The following PARD3 variants were observed in gnomAD, a reference collection of about 807,000 sequenced individuals.
PARD3 encodes the protein par-3 family cell polarity regulator, also known as partitioning defective 3 homolog.
Under a neutral mutation model 155.4 loss-of-function variants are expected in PARD3, and 75 were observed. That is an observed-to-expected ratio of 0.48 (90% CI 0.40 to 0.58). PARD3 has a LOEUF of 0.58. Among genes scored for constraint, PARD3 ranks in the 20% least tolerant of loss-of-function variants. The pLI, the probability that PARD3 is intolerant of heterozygous loss-of-function variation, is 0.00. For synonymous variants in PARD3, 576 were observed against 610.5 expected (o/e 0.94, Z 0.83); for missense variants, 1,642 against 1,721.7 (o/e 0.95, Z 0.82).
intron 1 of PARD3, among the ~76,000 whole-genome samples, chr10:34,794,106 C>A (rs533867158): frequency 6.6e-6 from 1 of 150,780 alleles, no homozygotes; most frequent in Admixed American, 6.6e-5. Flanking sequence ...CCACAGTCAG[C>A]GGGGGGTGGG....
intron 2 of PARD3, among the ~76,000 whole-genome samples, chr10:34,539,332 A>G (rs1210301957): frequency 1.3e-5 from 2 of 152,186 alleles, no homozygotes; most frequent in African/African-American, 4.8e-5. Flanking sequence ...AAATTAAGAT[A>G]TATAAACTTA....
intron 14 of PARD3, 91 bp downstream of exon 14, chr10:34,359,056 G>T: frequency 1.2e-6 from 1 of 848,148 alleles, no homozygotes; most frequent in Non-Finnish European, 1.9e-6. Context: ...TTGATGTAAG[G>T]TCCTGGAACC....
rs115675873 is a variant in PARD3, at chr10:34,146,780, G to A, written c.3420-15197C>T. Among the ~76,000 whole-genome samples, 819 of 152,246 alleles carry A rather than the reference G, an allele frequency of 5.4e-3. 9 individuals are homozygous for A. Among genetic ancestry groups the A allele is most frequent in the African/African-American group, 0.018 (760 of 41,528 alleles). On this transcript the variant is annotated intron_variant, in intron 22 of 24. Coordinates refer to ENST00000374788, the MANE Select transcript of PARD3 (RefSeq NM_001184785.2). The stretch of plus-strand genomic sequence containing the variant: ...CCCACTGATGCTGGTGACAAAGAAC[G>A]TTTCCCACTTTTCCCACTGCATGCT...
chr10:34,751,833 C>A (rs543426935), intron 1 of PARD3, among the ~76,000 whole-genome samples: 19 of 150,724 alleles, frequency 1.3e-4, no homozygotes, highest in African/African-American at 4.6e-4. Context: ...GTCTCAAACT[C>A]CTGGCCTCAA....
intron 3 of PARD3, among the ~76,000 whole-genome samples, chr10:34,486,082 A>G (rs1395312382): frequency 6.6e-6 from 1 of 151,844 alleles, no homozygotes; most frequent in Non-Finnish European, 1.5e-5. Flanking sequence ...TGCCACGATG[A>G]GTGGCTAATT....
chr10:34,629,901 T>C (rs1253136397), intron 2 of PARD3, among the ~76,000 whole-genome samples: 5 of 152,156 alleles, frequency 3.3e-5, no homozygotes, highest in Non-Finnish European at 1.5e-5. Context: ...GCATAGATAT[T>C]AAGTATATTT....
chr10:34,509,609 AG>A (rs1391769379), intron 3 of PARD3, among the ~76,000 whole-genome samples: 1 of 152,246 alleles, frequency 6.6e-6, no homozygotes, highest in Non-Finnish European at 1.5e-5. Flanking sequence ...AAATGGAAAA[AG>A]TACAATACTG....
chr10:34,786,098 A>T (rs933961953), intron 1 of PARD3, among the ~76,000 whole-genome samples: 2 of 152,254 alleles, frequency 1.3e-5, no homozygotes, highest in African/African-American at 2.4e-5. Context: ...GTCAACAGAC[A>T]GAGGCAGACA....
At position 34,756,477 on chromosome 10, in the gene PARD3, T is replaced by TAA. The variant is rs34468358; in HGVS notation, c.120+58397_120+58398dup. ...CAATGCACCTTTTTTTTTTTTCTTA[T>TAA]AAAAAAAAAAAAAAAAAAAAAGAGT... On this transcript the variant is annotated intron_variant, in intron 1 of 24. Transcript: ENST00000374788. Among the ~76,000 whole-genome samples, 703 of 83,240 alleles carry TAA rather than the reference T, an allele frequency of 8.4e-3. 11 individuals carry two copies. Among genetic ancestry groups the TAA allele is most frequent in the Non-Finnish European group, 0.011 (503 of 46,622 alleles). The allele number at this position is 83,240 out of a possible 152,430, so 54.6% of individuals were successfully genotyped here. A position where few individuals can be genotyped will look rare whatever the true frequency, so the allele number is the denominator to read the frequency against.
At chr10:34,139,064 T>G (rs989507309) in intron 22 of PARD3, among the ~76,000 whole-genome samples, 2 of 152,206 alleles carry the variant, frequency 1.3e-5, no homozygotes, top group Non-Finnish European at 2.9e-5. Context: ...TCTATAGTTC[T>G]GCTAGCTGCC....
intron 5 of PARD3, among the ~76,000 whole-genome samples, chr10:34,413,610 C>G (rs1845350685): frequency 6.6e-6 from 1 of 152,168 alleles, no homozygotes; most frequent in Admixed American, 6.5e-5. Context: ...ACCTGCCTCA[C>G]AGGTCTCTAT....
Position 34,682,482 on chromosome 10 carries a change from A to C in PARD3, c.222+13836T>G, listed in dbSNP as rs982025112. ...TCTATAAATTCATAGAAATAAAAAA[A>C]TAAGTGAAACTGATTACCTACAGAA... On this transcript the variant is annotated intron_variant, in intron 2 of 24. Transcript: ENST00000374788. 1.8e-4 allele frequency among the ~76,000 whole-genome samples: 27 copies of C among 152,346 alleles called. 1 individual carries two copies. Among genetic ancestry groups the C allele is most frequent in the African/African-American group, 5.8e-4 (24 of 41,582 alleles).
chr10:34,130,803 G>A (rs1191475409), intron 23 of PARD3, among the ~76,000 whole-genome samples: 3 of 152,206 alleles, frequency 2.0e-5, no homozygotes, highest in Non-Finnish European at 4.4e-5. Context: ...GTTCACAACT[G>A]TAATCCTGAC....
At chr10:34,134,476 A>G (rs1241260996) in intron 22 of PARD3, among the ~76,000 whole-genome samples, 2 of 152,216 alleles carry the variant, frequency 1.3e-5, no homozygotes, top group Non-Finnish European at 2.9e-5. Flanking sequence ...ACTATTTGCA[A>G]TTCACTGAAA....
chr10:34,758,581 A>T (rs1837036608), intron 1 of PARD3, among the ~76,000 whole-genome samples: 1 of 152,212 alleles, frequency 6.6e-6, no homozygotes, highest in African/African-American at 2.4e-5. Flanking sequence ...CTACAGAAGG[A>T]CACCTCATGA....
intron 22 of PARD3, among the ~76,000 whole-genome samples, chr10:34,265,560 T>C (rs192682796): frequency 7.6e-4 from 115 of 152,298 alleles, no homozygotes; most frequent in African/African-American, 2.5e-3. Context: ...TGGACACCAA[T>C]TGCAAATTTT....
chr10:34,716,922 T>C (rs985741015), intron 1 of PARD3, among the ~76,000 whole-genome samples: 3 of 152,118 alleles, frequency 2.0e-5, no homozygotes, highest in Non-Finnish European at 4.4e-5. Context: ...GCCCAACACA[T>C]ATTCATAAAC....
intron 2 of PARD3, among the ~76,000 whole-genome samples, chr10:34,538,566 T>G (rs1005482969): frequency 6.6e-6 from 1 of 152,156 alleles, no homozygotes; most frequent in Admixed American, 6.5e-5. Flanking sequence ...TATTCAGAGG[T>G]GGCTGTAAGT....
intron 3 of PARD3, among the ~76,000 whole-genome samples, chr10:34,475,235 A>C (rs1169019762): frequency 6.6e-6 from 1 of 152,222 alleles, no homozygotes; most frequent in African/African-American, 2.4e-5. Flanking sequence ...AACACAACTC[A>C]ATTTTATGAA....
Sources: gnomAD v4.1 joint callset for allele counts (sites outside exome capture counted in the v4.1 genomes callset) on GRCh38, gnomAD v4.1.1 for gene constraint, MANE v1.5 for transcripts, NCBI Gene and HGNC (gene_info 2026-07-23, HGNC 2026-07-21) for gene names.